The following KAT7 variants were observed in gnomAD, a reference collection of about 807,000 sequenced individuals.
KAT7 encodes lysine acetyltransferase 7.
KAT7 carries 10 observed loss-of-function variants against 82.1 expected under a neutral mutation model. The ratio of observed to expected loss-of-function variants is 0.12; its 90% CI spans 0.08 to 0.21. The LOEUF (loss-of-function observed/expected upper bound fraction) is 0.21. KAT7 is among the 10% of genes least tolerant of loss of function. The pLI, the probability that KAT7 is intolerant of heterozygous loss-of-function variation, is 1.00. For missense variants in KAT7, 378 were observed against 760.9 expected, an observed-to-expected ratio of 0.50 and a Z score of 5.92; for synonymous variants, 250 against 262.5, an observed-to-expected ratio of 0.95 and a Z score of 0.46.
At chr17:49,823,365 C>G (rs1038632807) in intron 12 of KAT7, 70 bp downstream of exon 12, 1 of 846,872 alleles carries the variant, frequency 1.2e-6, no homozygotes, top group Admixed American at 1.8e-5. Flanking sequence ...TCTTTTTGTC[C>G]TGTGGTCTCT....
At chr17:49,789,272 GGC>G in intron 1 of KAT7, 1 of 160,404 alleles carries the variant, frequency 6.2e-6, no homozygotes, top group Non-Finnish European at 1.4e-5. Flanking sequence ...GTGGGGGCGC[GGC>G]TTAGGCGGAC....
intron 4 of KAT7, among the ~76,000 whole-genome samples, chr17:49,803,756 G>T (rs1465951057): frequency 1.3e-5 from 2 of 152,140 alleles, no homozygotes; most frequent in Admixed American, 1.3e-4. Flanking sequence ...CAGTCCCGGA[G>T]AAATGATGGC....
rs1340957517 is a variant in KAT7 at position 49,832,924 on chromosome 17, T to G, written c.*5422T>G. On this transcript the variant is annotated 3_prime_UTR_variant, in exon 15 of 15. Coordinates refer to ENST00000259021, the MANE Select transcript of KAT7 (RefSeq NM_007067.5). ...GCTGGTTTTGCCTCAGCACTTTCTT[T>G]CACAAAATTATGTGTGACTGCCTCC... 6.6e-6 allele frequency: 1 copy of G among 152,256 alleles called. No homozygotes were observed. Among genetic ancestry groups the G allele is most frequent in the Non-Finnish European group, 1.5e-5 (1 of 68,054 alleles). The allele number at this position is 152,256 out of a possible 1,614,324, so 9.4% of individuals were successfully genotyped here.
At chr17:49,821,279 G>A in intron 9 of KAT7, 58 bp from the exon 10 acceptor site, 1 of 1,289,656 alleles carries the variant, frequency 7.8e-7, no homozygotes, top group Admixed American at 1.8e-5. Flanking sequence ...TTTCCCTTTT[G>A]AGGAGCAGTC....
intron 14 of KAT7, 200 bp from the exon 15 acceptor site, chr17:49,827,201 C>G: frequency 1.8e-6 from 1 of 550,146 alleles, no homozygotes; most frequent in Non-Finnish European, 3.2e-6. Context: ...CGATGATTTT[C>G]ATTTCTCACT....
intron 5 of KAT7, among the ~76,000 whole-genome samples, chr17:49,808,120 C>CT (rs71146937): frequency 0.055 from 6,207 of 112,784 alleles, 322 homozygotes; most frequent in African/African-American, 0.1. Flanking sequence ...CCCAGGTTTT[C>CT]TTTTTTTTTT....
chr17:49,830,936 T>C lies in KAT7; in HGVS notation c.*3434T>C, dbSNP rs1461075212. ...AAGGATTTTCTTTTTATATTTTTTC[T>C]TATTATTTTTTAATTATTAACCAAA... On this transcript the variant is annotated 3_prime_UTR_variant, in exon 15 of 15. Coordinates refer to ENST00000259021, the MANE Select transcript of KAT7 (RefSeq NM_007067.5). 1 of 151,738 alleles carries C rather than the reference T, an allele frequency of 6.6e-6. No individual in the cohort carries two copies. The highest frequency in any genetic ancestry group is 1.5e-5 in the Non-Finnish European group (1 of 68,036). 9.4% of individuals were successfully genotyped at this position (151,738 alleles called of 1,614,324 possible).
At chr17:49,824,296 T>C (rs996962738) in intron 12 of KAT7, among the ~76,000 whole-genome samples, 6 of 152,222 alleles carry the variant, frequency 3.9e-5, no homozygotes, top group African/African-American at 1.4e-4. Flanking sequence ...TCCACTGTCA[T>C]AGGACAGGGT....
chr17:49,804,258 A>G (rs946114026), intron 4 of KAT7, among the ~76,000 whole-genome samples: 1 of 152,116 alleles, frequency 6.6e-6, no homozygotes, highest in African/African-American at 2.4e-5. Flanking sequence ...AGGCGCCTGT[A>G]GTCCCAGCTA....
chr17:49,824,636 C>G (rs924803787), intron 12 of KAT7: 2 of 152,224 alleles, frequency 1.3e-5, no homozygotes, highest in African/African-American at 4.8e-5. Context: ...GCTGGAATTA[C>G]AGGCGTGAGC....
Position 49,821,422 on chromosome 17 carries a change from A to AAG in KAT7, c.1241_1242insAG (p.Asn414LysfsTer34), listed in dbSNP as rs745545314. 6.2e-7 allele frequency: 1 copy of AAG among 1,613,080 alleles called. No homozygotes were observed. The highest frequency in any genetic ancestry group is 8.5e-7 in the Non-Finnish European group (1 of 1,179,506). On this transcript the variant is annotated frameshift_variant, in exon 10 of 15. Transcript: ENST00000259021. LOFTEE classifies it high-confidence loss of function. ...GTGTTTGAAGTGGATGGCAAGAAAA[A>AAG]CAAGGTAAAAAGTGGTGACTTTAGA...
chr17:49,796,721 T>G (rs1256062932), intron 2 of KAT7, 29 bp from the exon 3 acceptor site: 1 of 1,512,896 alleles, frequency 6.6e-7, no homozygotes, highest in Non-Finnish European at 8.9e-7. Flanking sequence ...CCATCTTTTT[T>G]CTTTATTTTC....
At chr17:49,805,223 C>T in intron 4 of KAT7, 140 bp from the exon 5 acceptor site, 2 of 608,470 alleles carry the variant, frequency 3.3e-6, no homozygotes, top group African/African-American at 1.9e-5. Flanking sequence ...CCCTACCAGC[C>T]TTATGTTTGG....
At chr17:49,794,329 A>G (rs1046214661) in intron 2 of KAT7, among the ~76,000 whole-genome samples, 1 of 152,142 alleles carries the variant, frequency 6.6e-6, no homozygotes. Context: ...TCTGTCGCCC[A>G]GGCTGGAGTG....
chr17:49,820,228 AG>A (rs2074284826), intron 9 of KAT7, among the ~76,000 whole-genome samples: 1 of 151,722 alleles, frequency 6.6e-6, no homozygotes, highest in Admixed American at 6.6e-5. Flanking sequence ...TGGGTGACAG[AG>A]TGACACCCTA....
chr17:49,791,830 T>C, intron 1 of KAT7, 56 bp from the exon 2 acceptor site: 2 of 1,556,852 alleles, frequency 1.3e-6, no homozygotes, highest in Non-Finnish European at 1.8e-6. Flanking sequence ...TCAATGTTAA[T>C]GCAAACTCTC....
Position 49,791,910 on chromosome 17 carries a change from G to A in KAT7, c.40G>A (p.Gly14Arg). The A allele has an allele frequency of 1.2e-6, 2 of 1,614,162 alleles. No homozygotes were observed. The highest frequency in any genetic ancestry group is 1.1e-5 in the South Asian group (1 of 91,088). ...GAGGAATGCAGGCAGTAGTTCAGAT[G>A]GAACCGAAGATTCCGATTTTTCTAC... ...RKRNAGSSSD[G>R]TEDSDFSTDL... The change falls in exon 2 of 15, where the codon GGA becomes AGA. Residue 14 changes from glycine to arginine, a missense_variant. Gly to Arg is a moderately radical substitution (Grantham distance 125, BLOSUM62 -2). This residue lies in a region of KAT7 where 161 missense variants were observed against 229.6 expected (regional missense o/e 0.70). Transcript: ENST00000259021.
chr17:49,801,881 T>TAAA (rs1426514274), intron 4 of KAT7, among the ~76,000 whole-genome samples: 1 of 152,240 alleles, frequency 6.6e-6, no homozygotes, highest in African/African-American at 2.4e-5. Context: ...GTGCATTAAG[T>TAAA]AAAAATTGCC....
intron 4 of KAT7, among the ~76,000 whole-genome samples, chr17:49,803,034 C>G (rs1248354560): frequency 6.7e-6 from 1 of 149,502 alleles, no homozygotes; most frequent in Non-Finnish European, 1.5e-5. Context: ...CCAGCTGATG[C>G]TACATTGTAT....
Sources: gnomAD v4.1 joint callset for allele counts (sites outside exome capture counted in the v4.1 genomes callset) on GRCh38, gnomAD v4.1.1 for gene constraint, gnomAD v4.1.1 regional missense constraint, MANE v1.5 for transcripts, NCBI Gene and HGNC (gene_info 2026-07-23, HGNC 2026-07-21) for gene names.